PPP2R1B: variants seen among roughly 807,000 people sequenced by gnomAD.
The protein encoded by PPP2R1B is protein phosphatase 2 scaffold subunit Abeta, also known as serine/threonine-protein phosphatase 2A 65 kDa regulatory subunit A beta isoform.
A neutral mutation model predicts 72.7 loss-of-function variants in PPP2R1B; 58 were observed. The observed-to-expected ratio is 0.80, with a 90% confidence interval of 0.65 to 0.99. The LOEUF (loss-of-function observed/expected upper bound fraction) is 0.99, where lower values mean the gene tolerates loss of function less well. Among genes scored for constraint, PPP2R1B ranks in the 50% least tolerant of loss-of-function variants. The probability of loss-of-function intolerance (pLI) is 0.00; values close to 1 mark genes in which losing one functional copy is unlikely to be tolerated. For synonymous variants in PPP2R1B, 256 were observed against 264.6 expected (o/e 0.97, Z 0.32); for missense variants, 695 against 733.6 (o/e 0.95, Z 0.61).
intron 5 of PPP2R1B, 129 bp from the exon 6 acceptor site, chr11:111,755,579 G>A: frequency 1.4e-6 from 1 of 720,614 alleles, no homozygotes; most frequent in Non-Finnish European, 2.0e-6. Context: ...TTCACGTCTT[G>A]ACATCTTTTT....
the PPP2R1B span, chr11:111,721,693 C>G: frequency 1.7e-6 from 1 of 586,244 alleles, no homozygotes; most frequent in South Asian, 2.4e-5. Flanking sequence ...CCTACTGGCT[C>G]TGTAAAAGCT....
the PPP2R1B span, among the ~76,000 whole-genome samples, chr11:111,690,385 A>G: frequency 6.6e-6 from 1 of 151,566 alleles, no homozygotes; most frequent in Non-Finnish European, 1.5e-5. Context: ...ACAATAGCAC[A>G]AAGGAGTTCT....
chr11:111,743,317 G>A (rs908868695), intron 12 of PPP2R1B, 59 bp downstream of exon 12: 1 of 1,460,644 alleles, frequency 6.8e-7, no homozygotes, highest in Non-Finnish European at 9.4e-7. Flanking sequence ...TTCAGAAATA[G>A]TCATGAATAA....
chr11:111,737,902 GAAC>G lies in PPP2R1B; in HGVS notation c.*3691_*3693del. 9.2e-7 allele frequency: 1 copy of G among 1,090,332 alleles called. No homozygotes were observed. Among genetic ancestry groups the G allele is most frequent in the Middle Eastern group, 4.2e-4 (1 of 2,364 alleles). The allele number at this position is 1,090,332 out of a possible 1,614,324, so 67.5% of individuals were successfully genotyped here. On this transcript the variant is annotated 3_prime_UTR_variant, in exon 15 of 15. Coordinates refer to ENST00000527614, the MANE Select transcript of PPP2R1B (RefSeq NM_002716.5). ...TTTCAGAACTCATATCAGTTTAAGA[GAAC>G]AACTCTGGAGACAGAAATGGCTTGG...
chr11:111,701,381 G>T, the PPP2R1B span: 133 of 1,552,310 alleles, frequency 8.6e-5, 2 homozygotes, highest in South Asian at 1.6e-3. The surrounding 1 kb of genome is among the most constrained non-coding windows in gnomAD (Gnocchi z 4.2). Flanking sequence ...AAGAGCCCTG[G>T]GGATGTTCAG....
chr11:111,755,584 CTTTTTCTTT>C, intron 5 of PPP2R1B, 134 bp from the exon 6 acceptor site: 1 of 623,928 alleles, frequency 1.6e-6, no homozygotes, highest in South Asian at 3.8e-5. Context: ...GTCTTGACAT[CTTTTTCTTT>C]TTTTTTTTTT....
At chr11:111,720,808 G>A in the PPP2R1B span, 3 of 1,571,170 alleles carry the variant, frequency 1.9e-6, no homozygotes, top group Non-Finnish European at 2.6e-6. Context: ...TCGTAGGAGA[G>A]CAGTTTCTTG....
intron 1 of PPP2R1B, among the ~76,000 whole-genome samples, chr11:111,765,605 G>A (rs1008657639): frequency 3.3e-5 from 5 of 152,200 alleles, no homozygotes; most frequent in African/African-American, 7.2e-5. Flanking sequence ...ACACTCAGAA[G>A]GGACCGGAAG....
Position 111,764,562 on chromosome 11 carries a change from C to T in PPP2R1B, c.306+243G>A, listed in dbSNP as rs573560704. Among the ~76,000 whole-genome samples the T allele has an allele frequency of 9.2e-5, 14 of 151,904 alleles. No homozygotes were observed. The South Asian group carries it at 2.9e-3, about 32-fold the overall frequency. On this transcript the variant is annotated intron_variant, in intron 3 of 14. Transcript: ENST00000527614. The stretch of plus-strand genomic sequence containing the variant: ...AACAATCAAACCCTTTTTCTCCCTA[C>T]ATCTAAACTAATAAGTCTACAGACG...
At chr11:111,689,326 A>T in the PPP2R1B span, among the ~76,000 whole-genome samples, 2 of 152,218 alleles carry the variant, frequency 1.3e-5, no homozygotes, top group African/African-American at 2.4e-5. Context: ...TTGGGATAAC[A>T]TGATTAGATT....
chr11:111,736,373 G>A (rs556907703), downstream of PPP2R1B, among the ~76,000 whole-genome samples: 8 of 152,310 alleles, frequency 5.3e-5, no homozygotes, highest in Admixed American at 5.2e-4. Context: ...TGAATTTGTA[G>A]GAAGACGTAA....
chr11:111,703,151 C>T, the PPP2R1B span: 498 of 1,547,128 alleles, frequency 3.2e-4, no homozygotes, highest in Admixed American at 4.4e-4. Flanking sequence ...AGCAAATAAC[C>T]CTGAAGTGCA....
chr11:111,707,418 C>A, the PPP2R1B span, among the ~76,000 whole-genome samples: 1 of 152,092 alleles, frequency 6.6e-6, no homozygotes, highest in African/African-American at 2.4e-5. Flanking sequence ...TTCTTATGTT[C>A]GATAATTTTT....
At chr11:111,755,773 AGAGACAGAGT>A (rs1945090831) in intron 5 of PPP2R1B, among the ~76,000 whole-genome samples, 1 of 151,912 alleles carries the variant, frequency 6.6e-6, no homozygotes, top group African/African-American at 2.4e-5. Flanking sequence ...TATTTTTAGT[AGAGACAGAGT>A]TTCACCACGT....
At chr11:111,733,314 C>T (rs1326204365), downstream of PPP2R1B, among the ~76,000 whole-genome samples, 2 of 152,146 alleles carry the variant, frequency 1.3e-5, no homozygotes, top group African/African-American at 4.8e-5. Flanking sequence ...AGCCCCCGAG[C>T]CAGCACAGTG....
chr11:111,709,884 C>T, the PPP2R1B span, among the ~76,000 whole-genome samples: 3 of 152,202 alleles, frequency 2.0e-5, no homozygotes, highest in Admixed American at 6.5e-5. Context: ...CTATGTGCTA[C>T]GCTTGGTCTG....
chr11:111,753,255 G>A (rs1203423321), intron 9 of PPP2R1B, among the ~76,000 whole-genome samples, 188 bp downstream of exon 9: 2 of 152,254 alleles, frequency 1.3e-5, no homozygotes, highest in South Asian at 2.1e-4. Context: ...ACTCTAATGG[G>A]TACTTTTGCC....
intron 12 of PPP2R1B, 44 bp downstream of exon 12, chr11:111,743,332 G>A (rs759290366): frequency 1.3e-6 from 2 of 1,513,932 alleles, no homozygotes; most frequent in Admixed American, 1.8e-5. Flanking sequence ...GAATAATTTT[G>A]CTTTAATGAT....
the PPP2R1B span, among the ~76,000 whole-genome samples, chr11:111,718,120 A>T: frequency 6.6e-6 from 1 of 152,230 alleles, no homozygotes; most frequent in African/African-American, 2.4e-5. Flanking sequence ...TCCTATAAGA[A>T]ATGTCTGGTA....
Sources: allele counts gnomAD v4.1 joint callset (sites outside exome capture counted in the v4.1 genomes callset), GRCh38; gene constraint gnomAD v4.1.1; non-coding constraint Gnocchi (gnomAD v3.1); transcripts MANE v1.5; gene names NCBI Gene and HGNC (gene_info 2026-07-23, HGNC 2026-07-21).